The following LHFPL6 variants were observed in gnomAD, a reference collection of about 807,000 sequenced individuals.
LHFPL6 encodes LHFPL tetraspan subfamily member 6 protein.
A neutral mutation model predicts 20.6 loss-of-function variants in LHFPL6; 9 were observed. The observed-to-expected ratio is 0.44, with a 90% CI of 0.26 to 0.76. The LOEUF (loss-of-function observed/expected upper bound fraction) is 0.76, where lower values mean the gene tolerates loss of function less well. LHFPL6 is among the 30% of genes least tolerant of loss of function. The pLI is 0.20. For missense variants in LHFPL6, 218 were observed against 253.5 expected (o/e 0.86, Z 0.95); for synonymous variants, 105 against 98.7 (o/e 1.06, Z -0.38).
chr13:39,420,925 C>T (rs1398408433), intron 2 of LHFPL6, among the ~76,000 whole-genome samples: 1 of 152,164 alleles, frequency 6.6e-6, no homozygotes, highest in African/African-American at 2.4e-5. Flanking sequence ...TTCTTATAGA[C>T]AGCAATATCA....
At chr13:39,520,482 G>A (rs575960884) in intron 2 of LHFPL6, among the ~76,000 whole-genome samples, 5 of 152,252 alleles carry the variant, frequency 3.3e-5, no homozygotes, top group Admixed American at 3.3e-4. Flanking sequence ...AATTCATCAA[G>A]CAAGGCTTCA....
chr13:39,509,950 A>G (rs1434923908), intron 2 of LHFPL6, among the ~76,000 whole-genome samples: 3 of 152,220 alleles, frequency 2.0e-5, no homozygotes, highest in African/African-American at 7.2e-5. Context: ...AAAAAAATAA[A>G]ATAAAAATAC....
intron 2 of LHFPL6, among the ~76,000 whole-genome samples, chr13:39,530,109 A>G (rs1870417162): frequency 6.6e-6 from 1 of 151,972 alleles, no homozygotes; most frequent in Non-Finnish European, 1.5e-5. Flanking sequence ...AAAGTGGGAA[A>G]AGGAATACTA....
At chr13:39,359,114 A>G (rs970957981) in intron 3 of LHFPL6, among the ~76,000 whole-genome samples, 4 of 151,834 alleles carry the variant, frequency 2.6e-5, no homozygotes, top group African/African-American at 9.7e-5. Flanking sequence ...GTGAGCCGAG[A>G]TCACACCACG....
intron 2 of LHFPL6, among the ~76,000 whole-genome samples, chr13:39,428,199 G>A (rs1871693001): frequency 1.3e-5 from 2 of 152,106 alleles, no homozygotes; most frequent in Admixed American, 6.5e-5. Flanking sequence ...GAATGTCTTT[G>A]TCTGGCCTTA....
chr13:39,428,416 G>C (rs1401782484), intron 2 of LHFPL6, among the ~76,000 whole-genome samples: 3 of 151,986 alleles, frequency 2.0e-5, no homozygotes, highest in African/African-American at 7.2e-5. Context: ...GATATTTTCT[G>C]TTTCCTTTTG....
intron 3 of LHFPL6, among the ~76,000 whole-genome samples, chr13:39,344,932 T>C (rs143632045): frequency 6.6e-6 from 1 of 152,224 alleles, no homozygotes; most frequent in African/African-American, 2.4e-5. Flanking sequence ...TGTCCCCAGA[T>C]GGGTTAATGG....
intron 2 of LHFPL6, among the ~76,000 whole-genome samples, chr13:39,550,697 T>C (rs569556699): frequency 2.6e-5 from 4 of 152,154 alleles, no homozygotes; most frequent in Non-Finnish European, 4.4e-5. Context: ...TAACTAGACC[T>C]GAATCCATTT....
chr13:39,480,635 C>T lies in LHFPL6; in HGVS notation c.386-102109G>A, dbSNP rs996629923. Among the ~76,000 whole-genome samples, 8 of 152,250 alleles carry T rather than the reference C, an allele frequency of 5.3e-5. 1 individual carries two copies. The South Asian group carries it at 6.2e-4, about 12-fold the overall frequency. ...CTCATGTCCCTCCCTCTCATGGGGACTCCTTGGTCTAAGAGGCCACCCTTT... is the reference window on the plus strand; with the variant it reads ...CTCATGTCCCTCCCTCTCATGGGGATTCCTTGGTCTAAGAGGCCACCCTTT... On this transcript the variant is annotated intron_variant, in intron 2 of 3. Coordinates refer to ENST00000379589, the MANE Select transcript of LHFPL6 (RefSeq NM_005780.3).
At chr13:39,570,353 C>A (rs1268878999) in intron 2 of LHFPL6, among the ~76,000 whole-genome samples, 1 of 152,090 alleles carries the variant, frequency 6.6e-6, no homozygotes, top group Non-Finnish European at 1.5e-5. Context: ...CTATGTTGGC[C>A]AGGTTGGTCT....
At chr13:39,466,410 C>T (rs1373506389) in intron 2 of LHFPL6, among the ~76,000 whole-genome samples, 1 of 152,140 alleles carries the variant, frequency 6.6e-6, no homozygotes, top group Non-Finnish European at 1.5e-5. Context: ...GCAAAGACTG[C>T]TGCATGTTGT....
intron 2 of LHFPL6, among the ~76,000 whole-genome samples, chr13:39,566,913 G>A (rs1267932544): frequency 6.6e-6 from 1 of 151,874 alleles, no homozygotes; most frequent in Non-Finnish European, 1.5e-5. Flanking sequence ...GATCTCTTCA[G>A]CCTTAAAACC....
chr13:39,534,264 T>C (rs763666266), intron 2 of LHFPL6, among the ~76,000 whole-genome samples: 7 of 152,190 alleles, frequency 4.6e-5, no homozygotes, highest in Non-Finnish European at 8.8e-5. Flanking sequence ...CTTTTTATGT[T>C]CTTTAGGCAA....
intron 2 of LHFPL6, among the ~76,000 whole-genome samples, chr13:39,478,341 TATA>T (rs950977344): frequency 6.6e-6 from 1 of 152,122 alleles, no homozygotes; most frequent in Admixed American, 6.5e-5. Flanking sequence ...ATACTGGAAA[TATA>T]ATAATGAGTA....
At chr13:39,452,217 G>A (rs1872468359) in intron 2 of LHFPL6, among the ~76,000 whole-genome samples, 1 of 152,106 alleles carries the variant, frequency 6.6e-6, no homozygotes, top group African/African-American at 2.4e-5. Context: ...CAGGACACAG[G>A]TTTAATCCAG....
At chr13:39,578,793 C>T (rs555108963) in intron 2 of LHFPL6, among the ~76,000 whole-genome samples, 1 of 152,270 alleles carries the variant, frequency 6.6e-6, no homozygotes, top group South Asian at 2.1e-4. Context: ...CCACCAAAAA[C>T]ATTGCTCATA....
chr13:39,422,528 G>A (rs1871519455), intron 2 of LHFPL6, among the ~76,000 whole-genome samples: 1 of 148,116 alleles, frequency 6.8e-6, no homozygotes, highest in Non-Finnish European at 1.5e-5. Flanking sequence ...GGCAGTTGCA[G>A]TGAGCTGAGA....
At chr13:39,399,970 G>A (rs1870944775) in intron 2 of LHFPL6, among the ~76,000 whole-genome samples, 1 of 152,164 alleles carries the variant, frequency 6.6e-6, no homozygotes, top group Admixed American at 6.5e-5. Context: ...GCACATGCCT[G>A]TTATCCCAGC....
rs1872919672 is a variant in LHFPL6, at chr13:39,600,916, G to T, written c.301C>A (p.Leu101Ile). 4.4e-6 allele frequency: 7 copies of T among 1,591,086 alleles called. No individual in the cohort carries two copies. The highest frequency in any genetic ancestry group is 5.1e-6 in the Non-Finnish European group (6 of 1,166,398). ...ACACAGCAACCCATGAGGGCAGTGA[G>T]CGCCACCAGGAGGAGGAGGCCACAA... ...LGCGLLLLVA[L>I]TALMGCCVSD... Residue 101 changes from leucine (L) to isoleucine (I), a missense_variant, in exon 2 of 4, where the codon CTC becomes ATC. Leu to Ile is a conservative substitution (Grantham distance 5). Coordinates refer to ENST00000379589, the MANE Select transcript of LHFPL6 (RefSeq NM_005780.3).
Sources: allele counts gnomAD v4.1 joint callset (sites outside exome capture counted in the v4.1 genomes callset), GRCh38; gene constraint gnomAD v4.1.1; transcripts MANE v1.5; gene names NCBI Gene and HGNC (gene_info 2026-07-23, HGNC 2026-07-21).